RBFOX1: variants seen among roughly 807,000 people sequenced by gnomAD.
RBFOX1 encodes the protein RNA binding protein fox-1 homolog 1.
In RBFOX1, 8 loss-of-function variants were observed where a neutral mutation model predicts 57.7. The observed-to-expected ratio is 0.14, with a 90% confidence interval of 0.08 to 0.25. The LOEUF is 0.25. RBFOX1 is among the 10% of genes least tolerant of loss of function. The pLI is 1.00. For synonymous variants in RBFOX1, 326 were observed against 222.4 expected (o/e 1.47, Z -4.15); for missense variants, 611 against 548.5 (o/e 1.11, Z -1.14).
intron 4 of RBFOX1, among the ~76,000 whole-genome samples, chr16:7,177,584 A>G (rs193086078): frequency 3.9e-5 from 6 of 152,202 alleles, no homozygotes; most frequent in East Asian, 1.9e-4. Context: ...CACAGGCACT[A>G]CCTTTGTAGA....
rs115128680 is a variant in RBFOX1 at position 7,472,027 on chromosome 16, C to G, written c.28-46120C>G. Among the ~76,000 whole-genome samples the G allele has an allele frequency of 4.3e-3, 649 of 152,268 alleles. 5 individuals carry two copies. Among genetic ancestry groups the G allele is most frequent in the African/African-American group, 0.015 (619 of 41,538 alleles). The stretch of plus-strand genomic sequence containing the variant: ...AGTAGTGGAACAATTGGTGAACACA[C>G]TTTAGTATATATTTGACACAATTTA... On this transcript the variant is annotated intron_variant, in intron 4 of 15. Coordinates refer to ENST00000550418, the MANE Select transcript of RBFOX1 (RefSeq NM_018723.4).
chr16:6,808,778 T>G (rs2087626769), intron 3 of RBFOX1, among the ~76,000 whole-genome samples: 1 of 152,184 alleles, frequency 6.6e-6, no homozygotes, highest in South Asian at 2.1e-4. Context: ...GGGTATTAAC[T>G]GTATCTGTGT....
intron 1 of RBFOX1, among the ~76,000 whole-genome samples, chr16:5,405,023 G>C (rs1021780176): frequency 6.6e-6 from 1 of 152,178 alleles, no homozygotes; most frequent in Non-Finnish European, 1.5e-5. Context: ...CATTCTGTGA[G>C]TTAGGTACTG....
At chr16:5,913,782 C>A (rs1354293041) in intron 4 of RBFOX1, among the ~76,000 whole-genome samples, 1 of 152,216 alleles carries the variant, frequency 6.6e-6, no homozygotes, top group Non-Finnish European at 1.5e-5. Flanking sequence ...TGCATTCTGG[C>A]CTTTGTTAAA....
intron 1 of RBFOX1, among the ~76,000 whole-genome samples, chr16:6,194,462 C>G (rs190936073): frequency 3.9e-5 from 6 of 152,296 alleles, no homozygotes; most frequent in African/African-American, 1.2e-4. Flanking sequence ...CTCAGGAACA[C>G]TCCTTGTTTC....
At chr16:5,757,087 C>G (rs181992953) in intron 3 of RBFOX1, among the ~76,000 whole-genome samples, 1 of 152,122 alleles carries the variant, frequency 6.6e-6, no homozygotes, top group Admixed American at 6.6e-5. Context: ...TCATTGAGAC[C>G]TAAAATTAAG....
intron 1 of RBFOX1, among the ~76,000 whole-genome samples, chr16:5,252,966 C>T (rs772146506): frequency 1.8e-4 from 28 of 152,144 alleles, no homozygotes; most frequent in Non-Finnish European, 3.4e-4. Flanking sequence ...TTCACATGCA[C>T]GCAGCCAATT....
At chr16:7,177,342 G>A (rs2081881135) in intron 4 of RBFOX1, among the ~76,000 whole-genome samples, 1 of 152,158 alleles carries the variant, frequency 6.6e-6, no homozygotes, top group Admixed American at 6.6e-5. Context: ...AGGATGCAAG[G>A]AACAAGTAGA....
chr16:6,292,310 C>T (rs1003820645), intron 1 of RBFOX1, among the ~76,000 whole-genome samples: 5 of 150,306 alleles, frequency 3.3e-5, no homozygotes, highest in Admixed American at 2.0e-4. Flanking sequence ...AGTCCCACAT[C>T]CAACTGTCTG....
chr16:6,521,769 T>TAGAAATCATG (rs1341396128), intron 2 of RBFOX1, among the ~76,000 whole-genome samples: 3 of 152,110 alleles, frequency 2.0e-5, no homozygotes, highest in Non-Finnish European at 4.4e-5. Flanking sequence ...GTAAACATGA[T>TAGAAATCATG]TTCTATCTCC....
At chr16:6,370,370 A>G (rs2090250518) in intron 2 of RBFOX1, among the ~76,000 whole-genome samples, 1 of 148,930 alleles carries the variant, frequency 6.7e-6, no homozygotes, top group Admixed American at 6.7e-5. Context: ...AAGAAAAAAA[A>G]AAAAAAAAAA....
intron 1 of RBFOX1, among the ~76,000 whole-genome samples, chr16:6,192,112 TC>T (rs1329709304): frequency 6.6e-6 from 1 of 152,190 alleles, no homozygotes; most frequent in Non-Finnish European, 1.5e-5. Context: ...TCCTGCTCTC[TC>T]CCCTGTATCA....
At chr16:6,925,371 T>A (rs8052761) in intron 3 of RBFOX1, among the ~76,000 whole-genome samples, 5 of 151,080 alleles carry the variant, frequency 3.3e-5, no homozygotes, top group South Asian at 2.1e-4. Flanking sequence ...GCGATCTACC[T>A]GCCTTGGTCT....
chr16:7,454,740 C>G (rs201173443), intron 4 of RBFOX1, among the ~76,000 whole-genome samples: 2 of 152,314 alleles, frequency 1.3e-5, no homozygotes, highest in South Asian at 2.1e-4. Context: ...TCGATGTATA[C>G]ATTTCTACCA....
chr16:6,781,073 C>G (rs1353458079), intron 3 of RBFOX1, among the ~76,000 whole-genome samples: 1 of 152,090 alleles, frequency 6.6e-6, no homozygotes, highest in Non-Finnish European at 1.5e-5. Context: ...TTACCCACAC[C>G]CATGTCTGGA....
intron 3 of RBFOX1, among the ~76,000 whole-genome samples, chr16:6,953,420 T>A (rs966751716): frequency 1.2e-4 from 19 of 152,088 alleles, no homozygotes; most frequent in African/African-American, 4.3e-4. Context: ...AGAGTCTTGC[T>A]TTGTCGCCAA....
intron 4 of RBFOX1, among the ~76,000 whole-genome samples, chr16:7,182,283 G>T (rs1212824208): frequency 6.6e-6 from 1 of 152,072 alleles, no homozygotes; most frequent in African/African-American, 2.4e-5. Context: ...CTATAGGGAT[G>T]TGAGGTTGAA....
chr16:6,005,541 C>T (rs956294096), intron 4 of RBFOX1, among the ~76,000 whole-genome samples: 2 of 152,188 alleles, frequency 1.3e-5, no homozygotes, highest in African/African-American at 4.8e-5. Flanking sequence ...GCAGTGTTGA[C>T]GTTCTGAGCT....
intron 4 of RBFOX1, among the ~76,000 whole-genome samples, chr16:7,404,778 A>C (rs2098309199): frequency 6.6e-6 from 1 of 152,222 alleles, no homozygotes; most frequent in Non-Finnish European, 1.5e-5. Context: ...CGTCTTTATC[A>C]GGTAGAATGC....
Sources: gnomAD v4.1 joint callset for allele counts (sites outside exome capture counted in the v4.1 genomes callset) on GRCh38, gnomAD v4.1.1 for gene constraint, MANE v1.5 for transcripts, NCBI Gene and HGNC (gene_info 2026-07-23, HGNC 2026-07-21) for gene names.